MYO9A: variants seen among roughly 807,000 people sequenced by gnomAD.
MYO9A encodes myosin IXA.
In MYO9A, 103 loss-of-function variants were observed where a neutral mutation model predicts 293.3. The observed-to-expected ratio is 0.35, with a 90% CI of 0.30 to 0.41. MYO9A has a LOEUF of 0.41. MYO9A is among the 10% of genes least tolerant of loss of function. The probability of loss-of-function intolerance (pLI) is 1.00; values close to 1 mark genes in which losing one functional copy is unlikely to be tolerated. For missense variants in MYO9A, 2,685 were observed against 3,033.0 expected (o/e 0.89, Z 2.69); for synonymous variants, 1,001 against 1,035.7 (o/e 0.97, Z 0.64).
chr15:71,997,035 T>A (rs2076717910), intron 9 of MYO9A, among the ~76,000 whole-genome samples: 1 of 152,146 alleles, frequency 6.6e-6, no homozygotes, highest in Non-Finnish European at 1.5e-5. Flanking sequence ...CCATGGAAAC[T>A]GCCAAGATAT....
chr15:71,879,775 T>C lies in MYO9A; in HGVS notation c.5685A>G (p.Lys1895=). The change falls in exon 30 of 42, where the codon AAA becomes AAG. Residue 1895 remains lysine, a synonymous_variant. Transcript: ENST00000356056. ...KDTLVDVVFK[K]ALKEFRQNIF... ...TATTCTGCCGAAATTCCTTCAGGGC[T>C]TTTTTAAATACAACATCCACTAGTG... is the stretch of plus-strand genomic sequence containing the variant. The C allele has an allele frequency of 6.2e-7, 1 of 1,613,668 alleles. No homozygotes were observed. The highest frequency in any genetic ancestry group is 8.5e-7 in the Non-Finnish European group (1 of 1,179,726).
At chr15:71,950,977 A>C (rs369396649) in intron 15 of MYO9A, among the ~76,000 whole-genome samples, 10 of 152,306 alleles carry the variant, frequency 6.6e-5, no homozygotes, top group African/African-American at 2.2e-4. Context: ...ACAACTGGCA[A>C]AAGAATCAAT....
intron 2 of MYO9A, chr15:72,041,215 C>G (rs2078216914): frequency 7.2e-7 from 1 of 1,384,528 alleles, no homozygotes; most frequent in South Asian, 1.1e-5. Flanking sequence ...ATGGCTACAG[C>G]ATATTCTTCA....
Position 71,984,795 on chromosome 15 carries a change from T to G in MYO9A, c.1722+6308A>C, listed in dbSNP as rs914912337. On this transcript the variant is annotated intron_variant, in intron 11 of 41. Transcript: ENST00000356056. ...ATTTTTAAAAGTAATTTGTAGTTCT[T>G]TAATAAAAATATTGCACCTTATTTT... 3.3e-5 allele frequency among the ~76,000 whole-genome samples: 5 copies of G among 152,334 alleles called. No homozygotes were observed. In the South Asian group the frequency reaches 1.0e-3, roughly 32 times the overall value.
intron 12 of MYO9A, among the ~76,000 whole-genome samples, chr15:71,975,796 T>C (rs909261868): frequency 6.6e-6 from 1 of 152,058 alleles, no homozygotes; most frequent in Non-Finnish European, 1.5e-5. Context: ...TTTTGTCCAA[T>C]CACATTTCTA....
chr15:71,851,730 T>A (rs2055657758), intron 36 of MYO9A, among the ~76,000 whole-genome samples: 2 of 152,218 alleles, frequency 1.3e-5, no homozygotes, highest in Admixed American at 6.5e-5. Flanking sequence ...CTTACAGCAC[T>A]GAGAAACTAA....
At chr15:71,853,041 C>T (rs1306202910) in intron 35 of MYO9A, among the ~76,000 whole-genome samples, 18 of 152,182 alleles carry the variant, frequency 1.2e-4, no homozygotes, top group Non-Finnish European at 1.5e-5. Context: ...TTGCAGTGAG[C>T]CAAGGTCACA....
intron 11 of MYO9A, among the ~76,000 whole-genome samples, chr15:71,985,265 T>C (rs2076381215): frequency 6.6e-6 from 1 of 152,112 alleles, no homozygotes; most frequent in African/African-American, 2.4e-5. Flanking sequence ...TCCATGTATG[T>C]CTTTATGTCT....
At chr15:71,895,524 A>T (rs750975538) in intron 25 of MYO9A, among the ~76,000 whole-genome samples, 4 of 152,178 alleles carry the variant, frequency 2.6e-5, no homozygotes, top group Non-Finnish European at 5.9e-5. Context: ...ATGATCTTGA[A>T]TAAGTCATTT....
At chr15:71,988,291 T>C (rs2076454235) in intron 11 of MYO9A, among the ~76,000 whole-genome samples, 1 of 152,204 alleles carries the variant, frequency 6.6e-6, no homozygotes, top group Non-Finnish European at 1.5e-5. Context: ...TCAATAGACA[T>C]GGATGGCAAT....
intron 16 of MYO9A, among the ~76,000 whole-genome samples, chr15:71,936,350 G>T (rs2058643484): frequency 6.6e-6 from 1 of 152,112 alleles, no homozygotes; most frequent in Admixed American, 6.5e-5. Context: ...AAGCAGAGAG[G>T]TTGGTCAATG....
intron 11 of MYO9A, among the ~76,000 whole-genome samples, chr15:71,980,559 GCA>G (rs1296889673): frequency 6.6e-5 from 10 of 152,140 alleles, no homozygotes; most frequent in African/African-American, 2.2e-4. Flanking sequence ...TCTTGGCTGG[GCA>G]CAGTGTCTCA....
intron 2 of MYO9A, among the ~76,000 whole-genome samples, chr15:72,044,607 C>T (rs1292508397): frequency 6.6e-6 from 1 of 152,156 alleles, no homozygotes; most frequent in African/African-American, 2.4e-5. Context: ...TCAAATTCCA[C>T]ATATAAGTGA....
intron 39 of MYO9A, among the ~76,000 whole-genome samples, chr15:71,840,531 AAT>A (rs2055112282): frequency 6.6e-6 from 1 of 152,208 alleles, no homozygotes; most frequent in South Asian, 2.1e-4. Context: ...ACAATATATG[AAT>A]AGATTAATTT....
At chr15:72,057,918 T>C (rs1184066329) in intron 1 of MYO9A, among the ~76,000 whole-genome samples, 4 of 152,178 alleles carry the variant, frequency 2.6e-5, no homozygotes, top group Non-Finnish European at 5.9e-5. Context: ...TTCTGTTCTC[T>C]ACAATCAAAA....
intron 2 of MYO9A, among the ~76,000 whole-genome samples, chr15:72,037,625 A>T (rs2078096328): frequency 6.6e-6 from 1 of 152,174 alleles, no homozygotes. Context: ...AACTGAGTAC[A>T]GTTTTTGATG....
intron 1 of MYO9A, among the ~76,000 whole-genome samples, chr15:72,089,542 A>G (rs1567028415): frequency 6.6e-6 from 1 of 151,938 alleles, no homozygotes; most frequent in Non-Finnish European, 1.5e-5. Flanking sequence ...CACTCTGGGA[A>G]AGGAAGGGAG....
At chr15:72,048,932 C>T (rs913859922) in intron 1 of MYO9A, among the ~76,000 whole-genome samples, 11 of 152,048 alleles carry the variant, frequency 7.2e-5, no homozygotes, top group Admixed American at 2.0e-4. Context: ...TTTTTTCCGC[C>T]GATTTACATT....
Position 71,925,043 on chromosome 15 carries a change from A to T in MYO9A, c.2563-8551T>A, listed in dbSNP as rs374235611. The stretch of plus-strand genomic sequence containing the variant: ...AGTTTAACTCTATCGTTCTTTGCTG[A>T]TTTTCTGTCTGGTTGTCCTATCCAT... On this transcript the variant is annotated intron_variant, in intron 18 of 41. Transcript: ENST00000356056. Among the ~76,000 whole-genome samples, 6 of 151,864 alleles carry T rather than the reference A, an allele frequency of 4.0e-5. No homozygotes were observed. The East Asian group carries it at 7.8e-4, about 20-fold the overall frequency.
Sources: gnomAD v4.1 joint callset for allele counts (sites outside exome capture counted in the v4.1 genomes callset) on GRCh38, gnomAD v4.1.1 for gene constraint, MANE v1.5 for transcripts, NCBI Gene and HGNC (gene_info 2026-07-23, HGNC 2026-07-21) for gene names.